SOX5: variants seen among roughly 807,000 people sequenced by gnomAD.
The protein encoded by SOX5 is SRY-box transcription factor 5.
Under a neutral mutation model 92.0 loss-of-function variants are expected in SOX5, and 9 were observed. That is an observed-to-expected ratio of 0.10 (90% CI 0.06 to 0.17). The LOEUF is 0.17. SOX5 is among the 10% of genes least tolerant of loss of function. The pLI is 1.00. For synonymous variants in SOX5, 344 were observed against 336.3 expected (o/e 1.02, Z -0.25); for missense variants, 642 against 944.5 (o/e 0.68, Z 4.20).
intron 3 of SOX5, among the ~76,000 whole-genome samples, chr12:24,243,011 G>A (rs774641562): frequency 2.6e-5 from 4 of 152,078 alleles, no homozygotes; most frequent in Non-Finnish European, 5.9e-5. Flanking sequence ...GTGAAGGAGT[G>A]TCTTTATACA....
chr12:23,818,176 A>C (rs11047114), intron 3 of SOX5, among the ~76,000 whole-genome samples: 18,822 of 152,162 alleles, frequency 0.12, 1,301 homozygotes, highest in East Asian at 0.21. Flanking sequence ...TCTTCTGAGA[A>C]ATGTGTTAGG....
chr12:23,545,870 A>G (rs1943034834), intron 12 of SOX5, among the ~76,000 whole-genome samples: 1 of 148,240 alleles, frequency 6.7e-6, no homozygotes, highest in African/African-American at 2.5e-5. Flanking sequence ...GTAAGTCCTC[A>G]TCTCAAAAAA....
intron 8 of SOX5, among the ~76,000 whole-genome samples, chr12:23,625,930 A>G (rs1443865604): frequency 1.3e-5 from 2 of 152,154 alleles, no homozygotes. Context: ...TCTAAAGAAG[A>G]CAGTCCCTCC....
At chr12:23,790,174 C>A (rs1216668484) in intron 3 of SOX5, among the ~76,000 whole-genome samples, 2 of 151,630 alleles carry the variant, frequency 1.3e-5, no homozygotes, top group African/African-American at 2.4e-5. Flanking sequence ...TGAAATAGAA[C>A]AACATTTGCT....
At chr12:23,974,750 A>T (rs1270949418) in intron 4 of SOX5, among the ~76,000 whole-genome samples, 1 of 152,212 alleles carries the variant, frequency 6.6e-6, no homozygotes, top group Non-Finnish European at 1.5e-5. Context: ...ATGATGCAGA[A>T]AAAGGGAAAA....
At chr12:23,647,001 T>C (rs575746525) in intron 7 of SOX5, among the ~76,000 whole-genome samples, 26 of 152,324 alleles carry the variant, frequency 1.7e-4, no homozygotes, top group African/African-American at 6.0e-4. Context: ...TTGTAAATCT[T>C]TTCTAGAAGG....
At chr12:24,091,428 A>ATT (rs556198750) in intron 4 of SOX5, among the ~76,000 whole-genome samples, 10,556 of 122,538 alleles carry the variant, frequency 0.086, 644 homozygotes, top group Admixed American at 0.14. Context: ...AGAGAATGCT[A>ATT]TTTTTTTTTT....
chr12:23,754,934 T>C (rs758018644), intron 4 of SOX5, among the ~76,000 whole-genome samples: 12 of 151,624 alleles, frequency 7.9e-5, no homozygotes, highest in Non-Finnish European at 1.5e-4. Flanking sequence ...AAAATCCTAC[T>C]GTAGAACTCA....
At chr12:24,129,337 ATT>A (rs146951188) in intron 4 of SOX5, among the ~76,000 whole-genome samples, 1 of 152,078 alleles carries the variant, frequency 6.6e-6, no homozygotes, top group African/African-American at 2.4e-5. Context: ...CCCTTTACTA[ATT>A]TTTTTAAAGT....
intron 4 of SOX5, among the ~76,000 whole-genome samples, chr12:24,139,199 C>T (rs568520017): frequency 7.9e-5 from 12 of 152,214 alleles, no homozygotes; most frequent in Non-Finnish European, 1.6e-4. Flanking sequence ...GAATTCTTTC[C>T]GCATATTAAA....
intron 3 of SOX5, among the ~76,000 whole-genome samples, chr12:24,267,915 C>A (rs531918774): frequency 1.4e-4 from 22 of 152,082 alleles, no homozygotes; most frequent in Non-Finnish European, 2.6e-4. Flanking sequence ...GAGATTCTCA[C>A]ATATTTTTAA....
Position 24,481,486 on chromosome 12 carries a change from G to A in SOX5, c.-251+80843C>T, listed in dbSNP as rs539827931. Among the ~76,000 whole-genome samples the A allele has an allele frequency of 3.6e-4, 55 of 152,230 alleles. 1 individual carries two copies. In the South Asian group the frequency reaches 0.011, roughly 31 times the overall value. On this transcript the variant is annotated intron_variant, in intron 1 of 4. Coordinates refer to the SOX5 transcript ENST00000446891. The stretch of plus-strand genomic sequence containing the variant: ...GATGAATACCCCCATTTTCCATGAT[G>A]TGATTATTATGCATTGCATGCTTGT...
intron 1 of SOX5, among the ~76,000 whole-genome samples, chr12:23,896,752 T>C (rs986486281): frequency 6.6e-6 from 1 of 151,258 alleles, no homozygotes; most frequent in African/African-American, 2.4e-5. Flanking sequence ...TTAAAATATT[T>C]CAATTCTATT....
intron 4 of SOX5, among the ~76,000 whole-genome samples, chr12:24,162,658 C>G (rs1203463287): frequency 6.6e-6 from 1 of 152,132 alleles, no homozygotes; most frequent in African/African-American, 2.4e-5. Flanking sequence ...CCTTTATCCT[C>G]TGGGAAAACA....
chr12:24,254,497 GA>G (rs553914777), intron 3 of SOX5, among the ~76,000 whole-genome samples: 3 of 151,032 alleles, frequency 2.0e-5, no homozygotes, highest in Admixed American at 6.6e-5. Context: ...CTACAGTAGG[GA>G]AAAAAAATCA....
intron 2 of SOX5, among the ~76,000 whole-genome samples, chr12:24,321,005 C>G (rs1056031755): frequency 1.3e-5 from 2 of 152,150 alleles, no homozygotes; most frequent in African/African-American, 4.8e-5. Flanking sequence ...AGAGTAGCAT[C>G]TGTAGGTTGT....
chr12:24,289,361 A>T (rs1052862202), intron 2 of SOX5, among the ~76,000 whole-genome samples: 1 of 152,046 alleles, frequency 6.6e-6, no homozygotes, highest in African/African-American at 2.4e-5. Context: ...ATATTGACAG[A>T]CCATTCTTTC....
At chr12:24,318,105 A>G (rs1949866156) in intron 2 of SOX5, among the ~76,000 whole-genome samples, 1 of 152,132 alleles carries the variant, frequency 6.6e-6, no homozygotes. Flanking sequence ...GCTACTCAGG[A>G]GGCTGAGGCA....
At chr12:23,540,585 G>T (rs1441058143) in intron 13 of SOX5, among the ~76,000 whole-genome samples, 1 of 151,954 alleles carries the variant, frequency 6.6e-6, no homozygotes, top group Non-Finnish European at 1.5e-5. Context: ...ATCTCCGTGG[G>T]GTCTGTAGTG....
Sources: gnomAD v4.1 joint callset for allele counts (sites outside exome capture counted in the v4.1 genomes callset) on GRCh38, gnomAD v4.1.1 for gene constraint, MANE v1.5 for transcripts, NCBI Gene and HGNC (gene_info 2026-07-23, HGNC 2026-07-21) for gene names.